The following PAPOLA variants were observed in gnomAD, a reference collection of about 807,000 sequenced individuals.
PAPOLA encodes polynucleotide adenylyltransferase alpha.
A neutral mutation model predicts 100.6 loss-of-function variants in PAPOLA; 15 were observed. The ratio of observed to expected loss-of-function variants is 0.15; its 90% CI spans 0.10 to 0.23. The LOEUF (loss-of-function observed/expected upper bound fraction) is 0.23. PAPOLA is among the 10% of genes least tolerant of loss of function. PAPOLA has a pLI of 1.00. For synonymous variants in PAPOLA, 293 were observed against 300.0 expected, an observed-to-expected ratio of 0.98 and a Z score of 0.24; for missense variants, 533 against 884.2, an observed-to-expected ratio of 0.60 and a Z score of 5.04.
chr14:96,545,140 G>GTTT, intron 15 of PAPOLA, among the ~76,000 whole-genome samples: 1 of 152,116 alleles, frequency 6.6e-6, no homozygotes, highest in Admixed American at 6.5e-5. Context: ...CCTTTGAGGA[G>GTTT]TTTTCACTTG....
chr14:96,545,328 A>G (rs1270177653), intron 15 of PAPOLA, among the ~76,000 whole-genome samples: 1 of 152,072 alleles, frequency 6.6e-6, no homozygotes, highest in Non-Finnish European at 1.5e-5. Context: ...CTAGAAGATA[A>G]CTTAAGAGTC....
intron 12 of PAPOLA, among the ~76,000 whole-genome samples, chr14:96,538,063 C>A (rs1373322154): frequency 6.6e-6 from 1 of 151,968 alleles, no homozygotes; most frequent in Non-Finnish European, 1.5e-5. Flanking sequence ...ATTGTGATTT[C>A]TGTTTGACAG....
intron 1 of PAPOLA, among the ~76,000 whole-genome samples, chr14:96,516,190 C>T (rs570259960): frequency 6.6e-6 from 1 of 152,240 alleles, no homozygotes; most frequent in East Asian, 1.9e-4. Context: ...CATCTGGGAG[C>T]CTGGAATTCT....
chr14:96,519,080 T>A (rs544756571), intron 1 of PAPOLA, among the ~76,000 whole-genome samples: 1 of 151,610 alleles, frequency 6.6e-6, no homozygotes, highest in South Asian at 2.1e-4. Flanking sequence ...TAGCTGTGTG[T>A]GTGTGTAAAA....
At chr14:96,502,922 C>G (rs1896409527) in intron 1 of PAPOLA, 1 of 358,002 alleles carries the variant, frequency 2.8e-6, no homozygotes, top group African/African-American at 2.1e-5. Flanking sequence ...CAAAGAAAAT[C>G]AAAACAACCC....
intron 16 of PAPOLA, among the ~76,000 whole-genome samples, chr14:96,548,345 G>A (rs1900558551): frequency 1.3e-5 from 2 of 151,840 alleles, no homozygotes; most frequent in Non-Finnish European, 2.9e-5. Context: ...AAAATATAAC[G>A]TATATTAAAA....
At chr14:96,528,274 CT>C (rs1898670171) in intron 6 of PAPOLA, among the ~76,000 whole-genome samples, 1 of 152,158 alleles carries the variant, frequency 6.6e-6, no homozygotes, top group Admixed American at 6.5e-5. Flanking sequence ...TTTTTGGTAG[CT>C]TTTCCATATG....
At chr14:96,509,811 T>C (rs892871776) in intron 1 of PAPOLA, among the ~76,000 whole-genome samples, 2 of 152,234 alleles carry the variant, frequency 1.3e-5, no homozygotes, top group East Asian at 1.9e-4. Context: ...ACCACTGTTA[T>C]ATGTGTGGTC....
intron 6 of PAPOLA, among the ~76,000 whole-genome samples, chr14:96,530,532 C>T (rs533852222): frequency 8.6e-5 from 13 of 151,820 alleles, no homozygotes; most frequent in African/African-American, 2.2e-4. Flanking sequence ...GGACTACAGG[C>T]GCTTGTCACC....
intron 10 of PAPOLA, chr14:96,535,249 T>A (rs1015918478): frequency 1.1e-6 from 1 of 926,380 alleles, no homozygotes; most frequent in Non-Finnish European, 1.3e-6. Context: ...TTAAATTCTG[T>A]TGAATTACAT....
chr14:96,564,837 A>T (rs1428777346), intron 21 of PAPOLA, 118 bp from the exon 22 acceptor site: 2 of 618,728 alleles, frequency 3.2e-6, no homozygotes, highest in Non-Finnish European at 2.9e-6. Context: ...TAGAGTTTTT[A>T]AATTTGTAAT....
chr14:96,552,939 A>C (rs1900967609), intron 17 of PAPOLA: 1 of 222,756 alleles, frequency 4.5e-6, no homozygotes, highest in East Asian at 1.0e-4. Context: ...ATGAGAACAG[A>C]CAAAAGGAAC....
At chr14:96,539,411 A>G (rs1050354470) in intron 12 of PAPOLA, among the ~76,000 whole-genome samples, 3 of 152,132 alleles carry the variant, frequency 2.0e-5, no homozygotes, top group Non-Finnish European at 4.4e-5. Flanking sequence ...CCCAGGTGAG[A>G]TGAAATGGTC....
intron 15 of PAPOLA, among the ~76,000 whole-genome samples, chr14:96,547,494 T>C (rs1194528212): frequency 6.6e-6 from 1 of 152,174 alleles, no homozygotes; most frequent in African/African-American, 2.4e-5. Flanking sequence ...AAGAAACCCT[T>C]TTCCCCTCAT....
At chr14:96,503,407 C>T (rs971560662) in intron 1 of PAPOLA, among the ~76,000 whole-genome samples, 5 of 151,718 alleles carry the variant, frequency 3.3e-5, no homozygotes, top group African/African-American at 9.7e-5. Flanking sequence ...CTTTCTAATG[C>T]CACTGCGCCT....
intron 17 of PAPOLA, among the ~76,000 whole-genome samples, chr14:96,554,880 G>A (rs1901165515): frequency 6.6e-6 from 1 of 152,118 alleles, no homozygotes; most frequent in African/African-American, 2.4e-5. Context: ...GTATAGGAAA[G>A]AATAGGGGTT....
chr14:96,516,095 AC>A (rs1897439155), intron 1 of PAPOLA, among the ~76,000 whole-genome samples: 1 of 152,198 alleles, frequency 6.6e-6, no homozygotes, highest in African/African-American at 2.4e-5. Context: ...TTATCACTCT[AC>A]TTAATTTCTA....
intron 16 of PAPOLA, among the ~76,000 whole-genome samples, chr14:96,551,837 T>C (rs1018142835): frequency 6.6e-6 from 1 of 152,214 alleles, no homozygotes; most frequent in South Asian, 2.1e-4. Context: ...TTGTATATTA[T>C]GTTTAGTTTT....
intron 19 of PAPOLA, among the ~76,000 whole-genome samples, chr14:96,557,038 C>A (rs1229055534): frequency 6.6e-6 from 1 of 152,028 alleles, no homozygotes; most frequent in East Asian, 1.9e-4. Flanking sequence ...CCACCATTTC[C>A]AGCTTAATTT....
Sources: gnomAD v4.1 joint callset for allele counts (sites outside exome capture counted in the v4.1 genomes callset) on GRCh38, gnomAD v4.1.1 for gene constraint, MANE v1.5 for transcripts, NCBI Gene and HGNC (gene_info 2026-07-23, HGNC 2026-07-21) for gene names.